The following JAK1 variants were observed in gnomAD, a reference collection of about 807,000 sequenced individuals.
JAK1 encodes the protein Janus kinase 1, also known as tyrosine-protein kinase JAK1.
A neutral mutation model predicts 136.6 loss-of-function variants in JAK1; 16 were observed. The observed-to-expected ratio is 0.12, with a 90% confidence interval of 0.08 to 0.18. The LOEUF (loss-of-function observed/expected upper bound fraction) is 0.18, where lower values mean the gene tolerates loss of function less well. Ranked by LOEUF, JAK1 falls within the 10% of genes least tolerant of loss-of-function variation. The probability of loss-of-function intolerance (pLI) is 1.00; values close to 1 mark genes in which losing one functional copy is unlikely to be tolerated. For missense variants in JAK1, 859 were observed against 1,450.1 expected (o/e 0.59, Z 6.62); for synonymous variants, 492 against 519.5 (o/e 0.95, Z 0.72).
chr1:64,869,410 T>C lies in JAK1; in HGVS notation c.548A>G (p.His183Arg), dbSNP rs781009130. 1 of 1,613,874 alleles carries C rather than the reference T, an allele frequency of 6.2e-7. No homozygotes were observed. Among genetic ancestry groups the C allele is most frequent in the East Asian group, 2.2e-5 (1 of 44,864 alleles). Residue 183 changes from histidine (H) to arginine (R), a missense_variant, in exon 6 of 25, where the codon CAT becomes CGT. Coordinates refer to ENST00000342505, the MANE Select transcript of JAK1 (RefSeq NM_002227.4). Reference sequence around the variant, plus strand: ...CCCTAGACACTCGTTCTCAATATCATGTCCATCCTGCTCGGTCTTGGGGTC... The same window carrying C: ...CCCTAGACACTCGTTCTCAATATCACGTCCATCCTGCTCGGTCTTGGGGTC... ...IRDPKTEQDGHDIENECLGMA... is the reference protein window; with the variant it reads ...IRDPKTEQDGRDIENECLGMA...
intron 2 of JAK1, among the ~76,000 whole-genome samples, chr1:65,041,175 GAGCAGCC>G (rs1415148616): frequency 6.6e-6 from 1 of 152,176 alleles, no homozygotes; most frequent in Non-Finnish European, 1.5e-5. Flanking sequence ...GCACGGGTCG[GAGCAGCC>G]AGCAAGAGCT....
intron 1 of JAK1, among the ~76,000 whole-genome samples, chr1:65,046,503 GTT>G (rs773007821): frequency 0.069 from 10,442 of 152,130 alleles, 655 homozygotes; most frequent in East Asian, 0.32. Context: ...TCAGACCAAC[GTT>G]TGGAAGTTAC....
chr1:64,883,754 AT>A (rs1050037455), intron 2 of JAK1, among the ~76,000 whole-genome samples: 4 of 152,146 alleles, frequency 2.6e-5, no homozygotes, highest in Non-Finnish European at 4.4e-5. Context: ...AATCAGAATA[AT>A]TTTAGACATG....
chr1:64,869,161 G>C (rs1036748445), intron 6 of JAK1, 150 bp downstream of exon 6: 5 of 662,700 alleles, frequency 7.5e-6, no homozygotes, highest in Non-Finnish European at 1.3e-5. Context: ...ATTAGGCTAC[G>C]TGTATGTAGT....
intron 1 of JAK1, among the ~76,000 whole-genome samples, chr1:64,950,355 C>T (rs145166507): frequency 0.011 from 1,661 of 150,696 alleles, 29 homozygotes; most frequent in African/African-American, 0.039. Flanking sequence ...TGCAGTGAGC[C>T]GAGATCATGC....
At chr1:64,996,275 C>T (rs1034830643) in intron 2 of JAK1, among the ~76,000 whole-genome samples, 2 of 152,172 alleles carry the variant, frequency 1.3e-5, no homozygotes, top group South Asian at 2.1e-4. Context: ...GTTAAGGCTC[C>T]TTTAAAGCAG....
At chr1:64,985,814 C>T (rs1569823152) in intron 2 of JAK1, 1 of 626,644 alleles carries the variant, frequency 1.6e-6, no homozygotes, top group Non-Finnish European at 2.9e-6. Flanking sequence ...TGACAGTAAG[C>T]ATTGAATTAC....
intron 24 of JAK1, among the ~76,000 whole-genome samples, 194 bp from the exon 25 acceptor site, chr1:64,834,851 A>ACATT (rs1423923072): frequency 6.6e-6 from 1 of 152,228 alleles, no homozygotes; most frequent in Non-Finnish European, 1.5e-5. Context: ...TAATATTTTA[A>ACATT]CATTTGAGAA....
intron 1 of JAK1, among the ~76,000 whole-genome samples, chr1:64,918,963 C>A (rs1034421908): frequency 6.6e-6 from 1 of 152,034 alleles, no homozygotes; most frequent in Non-Finnish European, 1.5e-5. Context: ...ATAAACAATT[C>A]TCATATTGAT....
intron 1 of JAK1, among the ~76,000 whole-genome samples, chr1:64,941,609 G>A (rs772474727): frequency 6.6e-6 from 1 of 152,166 alleles, no homozygotes; most frequent in Non-Finnish European, 1.5e-5. Flanking sequence ...ACTGGGGATG[G>A]AAAGGGAACC....
At chr1:64,926,567 C>G (rs768046111) in intron 1 of JAK1, among the ~76,000 whole-genome samples, 1 of 152,072 alleles carries the variant, frequency 6.6e-6, no homozygotes, top group African/African-American at 2.4e-5. Context: ...CAATGCTGAC[C>G]ACAACCACCA....
At chr1:64,884,330 C>G (rs1249488694) in intron 2 of JAK1, among the ~76,000 whole-genome samples, 1 of 151,868 alleles carries the variant, frequency 6.6e-6, no homozygotes, top group Non-Finnish European at 1.5e-5. Flanking sequence ...CTTTCTTCTT[C>G]TTGCCCAATA....
At chr1:64,940,750 T>C (rs1226477403) in intron 1 of JAK1, among the ~76,000 whole-genome samples, 1 of 152,210 alleles carries the variant, frequency 6.6e-6, no homozygotes, top group Non-Finnish European at 1.5e-5. Context: ...ATAAACACAG[T>C]GCTCAACACA....
intron 1 of JAK1, among the ~76,000 whole-genome samples, chr1:64,917,170 A>C (rs1645412534): frequency 6.6e-6 from 1 of 152,214 alleles, no homozygotes; most frequent in African/African-American, 2.4e-5. Context: ...TACATTCAAA[A>C]GATCAAAAAT....
chr1:64,995,802 A>C (rs1384255347), intron 2 of JAK1, among the ~76,000 whole-genome samples: 2 of 152,278 alleles, frequency 1.3e-5, no homozygotes, highest in South Asian at 2.1e-4. Context: ...CAGTGGCATG[A>C]TCATGGCTCA....
intron 1 of JAK1, 96 bp from the exon 2 acceptor site, chr1:64,886,437 C>A: frequency 1.6e-6 from 1 of 613,588 alleles, no homozygotes; most frequent in Non-Finnish European, 2.5e-6. Flanking sequence ...AAACCATAAG[C>A]AGGCAAGAAA....
intron 1 of JAK1, among the ~76,000 whole-genome samples, chr1:64,889,997 C>T (rs1436448013): frequency 6.6e-6 from 1 of 151,978 alleles, no homozygotes; most frequent in Non-Finnish European, 1.5e-5. Context: ...TTTGTGTTTG[C>T]CTTAAAGGAA....
intron 1 of JAK1, among the ~76,000 whole-genome samples, chr1:64,946,053 A>G (rs988617150): frequency 6.6e-6 from 1 of 152,154 alleles, no homozygotes; most frequent in African/African-American, 2.4e-5. Context: ...TGCTTTCTGA[A>G]CCATGTCAAT....
At chr1:64,987,999 G>A (rs1404977428) in intron 2 of JAK1, among the ~76,000 whole-genome samples, 1 of 152,158 alleles carries the variant, frequency 6.6e-6, no homozygotes, top group African/African-American at 2.4e-5. Context: ...TTTATTGATT[G>A]ATCACTTATT....
Sources: gnomAD v4.1 joint callset for allele counts (sites outside exome capture counted in the v4.1 genomes callset) on GRCh38, gnomAD v4.1.1 for gene constraint, MANE v1.5 for transcripts, NCBI Gene and HGNC (gene_info 2026-07-23, HGNC 2026-07-21) for gene names.